The following NCALD variants were observed in gnomAD, a reference collection of about 807,000 sequenced individuals.
NCALD encodes the protein neurocalcin delta, also known as neurocalcin-delta.
NCALD carries 10 observed loss-of-function variants against 18.6 expected under a neutral mutation model. The ratio of observed to expected loss-of-function variants is 0.54; its 90% confidence interval spans 0.33 to 0.91. The LOEUF (loss-of-function observed/expected upper bound fraction) is 0.91, where lower values mean the gene tolerates loss of function less well. Among genes scored for constraint, NCALD ranks in the 40% least tolerant of loss-of-function variants. The pLI, the probability that NCALD is intolerant of heterozygous loss-of-function variation, is 0.03. For missense variants in NCALD, 184 were observed against 247.6 expected, an observed-to-expected ratio of 0.74 and a Z score of 1.72; for synonymous variants, 88 against 87.4, an observed-to-expected ratio of 1.01 and a Z score of -0.04.
chr8:101,849,706 G>A lies in NCALD; in HGVS notation c.-20+37435C>T, dbSNP rs150491236. Among the ~76,000 whole-genome samples the A allele has an allele frequency of 5.1e-3, 769 of 152,266 alleles. 6 individuals carry two copies. Among genetic ancestry groups the A allele is most frequent in the Non-Finnish European group, 8.1e-3 (554 of 68,026 alleles). On this transcript the variant is annotated intron_variant, in intron 4 of 6. Coordinates refer to the NCALD transcript ENST00000311028. ...TTTCTAAAATTAGCCAACTGTGATG[G>A]AAAGAATCATTCATTCCATAAATCT...
chr8:101,834,433 T>C lies in NCALD; in HGVS notation c.-20+52708A>G, dbSNP rs1814325216. Among the ~76,000 whole-genome samples the C allele has an allele frequency of 2.0e-5, 3 of 152,350 alleles. No homozygotes were observed. The South Asian group carries it at 6.2e-4, about 32-fold the overall frequency. Reference sequence around the variant, plus strand: ...GACTCAGCTATTCACTCCGTGCCCCTGCCAGGTGTGGCTAGGCCACCGGAT... The same window carrying C: ...GACTCAGCTATTCACTCCGTGCCCCCGCCAGGTGTGGCTAGGCCACCGGAT... On this transcript the variant is annotated intron_variant, in intron 4 of 6. Coordinates refer to the NCALD transcript ENST00000311028.
chr8:101,930,181 C>A (rs937973750), intron 2 of NCALD, among the ~76,000 whole-genome samples: 2 of 152,186 alleles, frequency 1.3e-5, no homozygotes, highest in Non-Finnish European at 2.9e-5. Context: ...CTTAGCATCA[C>A]AATAATCCAG....
chr8:101,731,314 C>T (rs193080897), intron 1 of NCALD, among the ~76,000 whole-genome samples: 1 of 152,174 alleles, frequency 6.6e-6, no homozygotes, highest in East Asian at 1.9e-4. Flanking sequence ...TGAGGCTGAG[C>T]CAGTGCAGGG....
At chr8:101,977,277 C>T (rs1253038434) in intron 2 of NCALD, among the ~76,000 whole-genome samples, 3 of 151,086 alleles carry the variant, frequency 2.0e-5, no homozygotes, top group Admixed American at 2.0e-4. Flanking sequence ...CATGTGTTTT[C>T]GCACTAGGAG....
At chr8:101,883,921 T>A (rs1245066858) in intron 4 of NCALD, among the ~76,000 whole-genome samples, 1 of 152,208 alleles carries the variant, frequency 6.6e-6, no homozygotes, top group African/African-American at 2.4e-5. Flanking sequence ...AGTGTCATTA[T>A]ACAATTGCAA....
intron 3 of NCALD, among the ~76,000 whole-genome samples, chr8:101,894,891 A>T (rs1817090812): frequency 6.6e-6 from 1 of 150,722 alleles, no homozygotes; most frequent in African/African-American, 2.5e-5. Context: ...AACCAAAAAG[A>T]TTCCAGGACC....
At chr8:102,047,144 T>A (rs1823273902) in intron 1 of NCALD, among the ~76,000 whole-genome samples, 1 of 143,272 alleles carries the variant, frequency 7.0e-6, no homozygotes. Context: ...AAAGACATGA[T>A]CTCGTTCTTT....
chr8:101,692,761 G>A (rs1586215045), intron 3 of NCALD, 30 bp downstream of exon 3: 2 of 1,578,340 alleles, frequency 1.3e-6, no homozygotes, highest in East Asian at 2.2e-5. Flanking sequence ...GCCCCCATCT[G>A]AGCAAAGCAG....
At chr8:101,721,124 C>G (rs1332081961) in intron 1 of NCALD, 1 of 151,048 alleles carries the variant, frequency 6.6e-6, no homozygotes, top group Non-Finnish European at 1.5e-5. Context: ...AACCCCATCT[C>G]AAAAAAAAGT....
At chr8:101,799,926 G>A (rs1413656230) in intron 4 of NCALD, among the ~76,000 whole-genome samples, 3 of 152,066 alleles carry the variant, frequency 2.0e-5, no homozygotes, top group African/African-American at 4.8e-5. Flanking sequence ...GAAGAAAATG[G>A]GTAAAAGGCA....
intron 1 of NCALD, among the ~76,000 whole-genome samples, chr8:102,091,822 A>C (rs1439157831): frequency 6.6e-6 from 1 of 152,210 alleles, no homozygotes; most frequent in Admixed American, 6.5e-5. Flanking sequence ...CAAACACAAG[A>C]GACCCTAATA....
intron 1 of NCALD, among the ~76,000 whole-genome samples, chr8:102,093,048 C>T (rs1406378978): frequency 6.6e-6 from 1 of 152,100 alleles, no homozygotes; most frequent in Non-Finnish European, 1.5e-5. Context: ...GATCCAGCTT[C>T]TCAGGAGGCT....
intron 4 of NCALD, among the ~76,000 whole-genome samples, chr8:101,883,587 G>A (rs150863890): frequency 0.01 from 1,585 of 152,208 alleles, 16 homozygotes; most frequent in Middle Eastern, 0.037. Context: ...AAATTTCTTC[G>A]AAGTCTTTGA....
chr8:101,822,210 G>A (rs1290300220), intron 4 of NCALD, among the ~76,000 whole-genome samples: 1 of 152,094 alleles, frequency 6.6e-6, no homozygotes, highest in Non-Finnish European at 1.5e-5. Flanking sequence ...TGTAGTCATA[G>A]TCTATCTTTA....
chr8:101,991,411 T>C (rs1396302808), intron 2 of NCALD, among the ~76,000 whole-genome samples: 1 of 152,236 alleles, frequency 6.6e-6, no homozygotes, highest in Non-Finnish European at 1.5e-5. Context: ...GTAATCTCAC[T>C]ATCACAGAGA....
chr8:101,928,526 T>C (rs1404218818), intron 2 of NCALD, among the ~76,000 whole-genome samples: 1 of 152,170 alleles, frequency 6.6e-6, no homozygotes, highest in Non-Finnish European at 1.5e-5. Context: ...AGAGATTCCA[T>C]GATGCTGCCC....
At chr8:101,815,443 T>TA (rs1000043469) in intron 4 of NCALD, among the ~76,000 whole-genome samples, 1 of 152,062 alleles carries the variant, frequency 6.6e-6, no homozygotes, top group Non-Finnish European at 1.5e-5. Context: ...AAAGGACTCT[T>TA]AAAACTCAAC....
chr8:101,847,452 A>G (rs1279077257), intron 4 of NCALD: 1 of 155,962 alleles, frequency 6.4e-6, no homozygotes, highest in Non-Finnish European at 1.4e-5. Flanking sequence ...AGCAAGTGCC[A>G]AGGACGCTTG....
At chr8:101,965,788 A>G (rs1820004480) in intron 2 of NCALD, among the ~76,000 whole-genome samples, 1 of 152,198 alleles carries the variant, frequency 6.6e-6, no homozygotes. Context: ...AAAAAAGAAA[A>G]GAGCAACAGC....
Sources: allele counts gnomAD v4.1 joint callset (sites outside exome capture counted in the v4.1 genomes callset), GRCh38; gene constraint gnomAD v4.1.1; transcripts MANE v1.5; gene names NCBI Gene and HGNC (gene_info 2026-07-23, HGNC 2026-07-21).